Variants in TRABD2B observed in about 807,000 individuals in gnomAD.
TRABD2B encodes metalloprotease TIKI2.
TRABD2B carries 14 observed loss-of-function variants against 40.1 expected under a neutral mutation model. That is an observed-to-expected ratio of 0.35 (90% confidence interval 0.23 to 0.55). The LOEUF (loss-of-function observed/expected upper bound fraction) is 0.55, where lower values mean the gene tolerates loss of function less well. Among genes scored for constraint, TRABD2B ranks in the 20% least tolerant of loss-of-function variants. The pLI is 0.90. For synonymous variants in TRABD2B, 263 were observed against 277.0 expected (o/e 0.95, Z 0.50); for missense variants, 541 against 648.6 (o/e 0.83, Z 1.80).
intron 2 of TRABD2B, among the ~76,000 whole-genome samples, chr1:47,842,952 G>A (rs1645418736): frequency 6.6e-6 from 1 of 152,150 alleles, no homozygotes; most frequent in Non-Finnish European, 1.5e-5. Context: ...AGAACTGAAG[G>A]GGCTAAGAGA....
intron 2 of TRABD2B, among the ~76,000 whole-genome samples, chr1:47,847,644 C>T (rs1645490114): frequency 1.3e-5 from 2 of 152,152 alleles, no homozygotes; most frequent in Admixed American, 1.3e-4. Flanking sequence ...GCAGCCCTTG[C>T]ACATGGATCT....
At chr1:47,835,684 C>T (rs1645309145) in intron 2 of TRABD2B, among the ~76,000 whole-genome samples, 1 of 152,144 alleles carries the variant, frequency 6.6e-6, no homozygotes, top group Non-Finnish European at 1.5e-5. Flanking sequence ...CTCTCAATAA[C>T]AAAGAAGAAA....
chr1:47,860,440 C>G (rs150769605), intron 2 of TRABD2B, among the ~76,000 whole-genome samples: 22 of 152,322 alleles, frequency 1.4e-4, no homozygotes, highest in African/African-American at 4.8e-4. Flanking sequence ...TGGCATAGGA[C>G]TGTACACTCA....
At chr1:47,911,849 T>C (rs1644767096) in intron 2 of TRABD2B, among the ~76,000 whole-genome samples, 1 of 152,132 alleles carries the variant, frequency 6.6e-6, no homozygotes, top group Non-Finnish European at 1.5e-5. Flanking sequence ...CAGCAGAAGA[T>C]GAAATAAGCA....
intron 4 of TRABD2B, among the ~76,000 whole-genome samples, chr1:47,787,201 G>A (rs1644607923): frequency 6.6e-6 from 1 of 152,126 alleles, no homozygotes; most frequent in Non-Finnish European, 1.5e-5. Flanking sequence ...TCTGCATCAG[G>A]GAAATTTCAA....
Position 47,794,756 on chromosome 1 carries a change from G to C in TRABD2B, c.818C>G (p.Pro273Arg). The change falls in exon 4 of 7, where the codon CCC (proline) becomes CGC (arginine). Residue 273 changes from proline (P) to arginine (R), a missense_variant. This residue lies in a region of TRABD2B where 369 missense variants were observed against 492.8 expected (regional missense o/e 0.75). Transcript: ENST00000606738. Reference protein sequence around the residue: ...VIFNHDTSQLPNFINTTLPPH... With the variant: ...VIFNHDTSQLRNFINTTLPPH... ...CGGGAGGGTGGTGTTGATAAAGTTG[G>C]GCAGCTGCAAAGGCAAGACAGAGGC... is the stretch of plus-strand genomic sequence containing the variant. 6.6e-7 allele frequency: 1 copy of C among 1,526,286 alleles called. No individual in the cohort carries two copies. Among genetic ancestry groups the C allele is most frequent in the Non-Finnish European group, 8.8e-7 (1 of 1,141,854 alleles). 94.5% of individuals were successfully genotyped at this position (1,526,286 alleles called of 1,614,324 possible). A position where few individuals can be genotyped will look rare whatever the true frequency, so the allele number is the denominator to read the frequency against.
At chr1:47,776,404 T>G (rs1440435410) in intron 5 of TRABD2B, among the ~76,000 whole-genome samples, 2 of 152,182 alleles carry the variant, frequency 1.3e-5, no homozygotes, top group Non-Finnish European at 2.9e-5. Flanking sequence ...CATGGGGTTG[T>G]CATGAGGATG....
At chr1:47,926,111 A>G (rs547850111) in intron 2 of TRABD2B, among the ~76,000 whole-genome samples, 1 of 152,334 alleles carries the variant, frequency 6.6e-6, no homozygotes, top group East Asian at 1.9e-4. Context: ...ACTTTGCTAA[A>G]GTCACTTGTT....
intron 4 of TRABD2B, among the ~76,000 whole-genome samples, chr1:47,793,036 G>A (rs3888062): frequency 0.059 from 8,988 of 152,086 alleles, 440 homozygotes; most frequent in East Asian, 0.2. Flanking sequence ...GACTCACACC[G>A]AGCTCCCAGC....
chr1:47,898,928 T>C (rs981372099), intron 2 of TRABD2B, among the ~76,000 whole-genome samples: 4 of 152,230 alleles, frequency 2.6e-5, no homozygotes, highest in African/African-American at 9.6e-5. Flanking sequence ...TATTCCTCCA[T>C]TGACTCATTC....
intron 2 of TRABD2B, among the ~76,000 whole-genome samples, chr1:47,966,172 C>T (rs185204319): frequency 9.9e-5 from 15 of 152,220 alleles, no homozygotes; most frequent in Admixed American, 7.2e-4. Flanking sequence ...TGTGTTATGA[C>T]GTCTGGAAGT....
At chr1:47,937,853 C>T (rs1645134508) in intron 2 of TRABD2B, among the ~76,000 whole-genome samples, 1 of 152,162 alleles carries the variant, frequency 6.6e-6, no homozygotes, top group South Asian at 2.1e-4. Context: ...ACCCCGATAC[C>T]CAGGGAGATA....
chr1:47,935,198 C>T (rs1399819456), intron 2 of TRABD2B, among the ~76,000 whole-genome samples: 1 of 152,186 alleles, frequency 6.6e-6, no homozygotes. Context: ...GCACCATGTA[C>T]CTTATCTATT....
chr1:47,990,057 A>G (rs937814076), intron 2 of TRABD2B, among the ~76,000 whole-genome samples: 2 of 152,252 alleles, frequency 1.3e-5, no homozygotes, highest in Non-Finnish European at 2.9e-5. Context: ...ACAAAACTCA[A>G]TAAATGGTAT....
At chr1:47,936,690 C>T (rs1570321903) in intron 2 of TRABD2B, among the ~76,000 whole-genome samples, 1 of 152,304 alleles carries the variant, frequency 6.6e-6, no homozygotes, top group East Asian at 1.9e-4. Flanking sequence ...TATTCTGTTT[C>T]CTCCGCTTAT....
chr1:47,966,591 A>G (rs114350480), intron 2 of TRABD2B, among the ~76,000 whole-genome samples: 3 of 152,228 alleles, frequency 2.0e-5, no homozygotes, highest in African/African-American at 4.8e-5. Flanking sequence ...AGCTTTGCCA[A>G]TCTCAAGAAG....
At chr1:47,772,815 G>C (rs981551512) in intron 6 of TRABD2B, among the ~76,000 whole-genome samples, 1 of 152,140 alleles carries the variant, frequency 6.6e-6, no homozygotes, top group Non-Finnish European at 1.5e-5. Flanking sequence ...CTCAGGGCCT[G>C]CTCCCCTAGA....
chr1:47,905,869 A>C (rs566727782), intron 2 of TRABD2B, among the ~76,000 whole-genome samples: 1 of 152,212 alleles, frequency 6.6e-6, no homozygotes, highest in East Asian at 1.9e-4. Context: ...GCAAGGTTTT[A>C]ATTCTGGGGA....
intron 3 of TRABD2B, among the ~76,000 whole-genome samples, chr1:47,799,457 C>T (rs756747416): frequency 1.3e-5 from 2 of 152,242 alleles, no homozygotes; most frequent in Non-Finnish European, 2.9e-5. Context: ...GAGTGTCCTG[C>T]AGCAAAGCCT....
Sources: allele counts gnomAD v4.1 joint callset (sites outside exome capture counted in the v4.1 genomes callset), GRCh38; gene constraint gnomAD v4.1.1; regional missense constraint gnomAD v4.1.1; transcripts MANE v1.5; gene names NCBI Gene and HGNC (gene_info 2026-07-23, HGNC 2026-07-21).